Variants in SNTB1 observed in about 807,000 individuals in gnomAD.
The protein encoded by SNTB1 is beta-1-syntrophin.
In SNTB1, 36 loss-of-function variants were observed where a neutral mutation model predicts 48.9. The observed-to-expected ratio is 0.74, with a 90% CI of 0.56 to 0.97. SNTB1 has a LOEUF of 0.97. Ranked by LOEUF, SNTB1 falls within the 50% of genes least tolerant of loss-of-function variation. The probability of loss-of-function intolerance (pLI) is 0.00; values close to 1 mark genes in which losing one functional copy is unlikely to be tolerated. For missense variants in SNTB1, 786 were observed against 703.4 expected, an observed-to-expected ratio of 1.12 and a Z score of -1.33; for synonymous variants, 299 against 294.6, an observed-to-expected ratio of 1.01 and a Z score of -0.15.
At chr8:120,660,818 A>T (rs909866099) in intron 2 of SNTB1, among the ~76,000 whole-genome samples, 11 of 152,200 alleles carry the variant, frequency 7.2e-5, no homozygotes, top group Non-Finnish European at 1.2e-4. Context: ...AACACTTAGA[A>T]ACCTTCAAAG....
chr8:120,715,729 G>A (rs931416046), intron 1 of SNTB1, among the ~76,000 whole-genome samples: 3 of 152,104 alleles, frequency 2.0e-5, no homozygotes, highest in Non-Finnish European at 4.4e-5. Context: ...TAGAAGAGGT[G>A]GTATTCTTCT....
intron 3 of SNTB1, among the ~76,000 whole-genome samples, chr8:120,589,505 C>T (rs1816204263): frequency 6.6e-6 from 1 of 152,180 alleles, no homozygotes; most frequent in Admixed American, 6.5e-5. Flanking sequence ...TCAATCCTGG[C>T]TGCTATAACA....
At chr8:120,596,058 C>A (rs1816317429) in intron 3 of SNTB1, among the ~76,000 whole-genome samples, 1 of 152,138 alleles carries the variant, frequency 6.6e-6, no homozygotes, top group Non-Finnish European at 1.5e-5. Flanking sequence ...CGTTCAATGC[C>A]CCTGCCCATG....
intron 2 of SNTB1, among the ~76,000 whole-genome samples, chr8:120,692,356 A>G (rs1818142842): frequency 6.6e-6 from 1 of 152,176 alleles, no homozygotes; most frequent in Non-Finnish European, 1.5e-5. Flanking sequence ...GGTGGGTTGC[A>G]GCTGTCCCAC....
chr8:120,792,270 T>C (rs1820048210), intron 1 of SNTB1, among the ~76,000 whole-genome samples: 1 of 150,872 alleles, frequency 6.6e-6, no homozygotes. Context: ...AAATACTGTA[T>C]GTTCTCATAA....
rs1164017871 is a variant in SNTB1 at position 120,718,110 on chromosome 8, C to T, written c.572-24202G>A. Among the ~76,000 whole-genome samples, 4 of 152,214 alleles carry T rather than the reference C, an allele frequency of 2.6e-5. No homozygotes were observed. The East Asian group carries it at 7.7e-4, about 29-fold the overall frequency. ...AGGCCCAATTGGAGCCTACCTTCCCCTTCTGCACCCTGGAATTGTCTAATT... is the reference window on the plus strand; with the variant it reads ...AGGCCCAATTGGAGCCTACCTTCCCTTTCTGCACCCTGGAATTGTCTAATT... On this transcript the variant is annotated intron_variant, in intron 1 of 6. Coordinates refer to ENST00000517992, the MANE Select transcript of SNTB1 (RefSeq NM_021021.4).
rs201389549 is a variant in SNTB1, at chr8:120,541,854, T to G, written c.1480A>C (p.Ile494Leu). 2.5e-6 allele frequency: 4 copies of G among 1,614,000 alleles called. No individual in the cohort carries two copies. The highest frequency in any genetic ancestry group is 3.4e-6 in the Non-Finnish European group (4 of 1,179,914). ...CCAAAATCTAAATACAGCATCCTGA[T>G]TCCATCATCTGAAGACATTTTGAGC... ...EKLKMSSDDGIRMLYLDFGGK... is the reference protein window; with the variant it reads ...EKLKMSSDDGLRMLYLDFGGK... Residue 494 changes from isoleucine (I) to leucine (L), a missense_variant, in exon 6 of 7, where the codon ATC (isoleucine) becomes CTC (leucine). By Grantham distance (5) the Ile-to-Leu change is conservative. Transcript: ENST00000517992.
At chr8:120,603,879 G>T (rs946360662) in intron 3 of SNTB1, among the ~76,000 whole-genome samples, 2 of 152,194 alleles carry the variant, frequency 1.3e-5, no homozygotes, top group Non-Finnish European at 2.9e-5. Context: ...GTTGAATGAA[G>T]TTTCCATCTC....
chr8:120,788,928 T>C (rs28855694), intron 1 of SNTB1, among the ~76,000 whole-genome samples: 29,741 of 151,822 alleles, frequency 0.2, 3,213 homozygotes, highest in Middle Eastern at 0.26. Flanking sequence ...ACCCAAGAAC[T>C]TCAGAATACA....
At chr8:120,809,949 G>A (rs977307842) in intron 1 of SNTB1, among the ~76,000 whole-genome samples, 1 of 152,182 alleles carries the variant, frequency 6.6e-6, no homozygotes, top group Non-Finnish European at 1.5e-5. Flanking sequence ...CACTAGTGAT[G>A]CTGGCACCCT....
intron 1 of SNTB1, among the ~76,000 whole-genome samples, chr8:120,757,738 C>T (rs914335218): frequency 7.9e-5 from 12 of 152,080 alleles, no homozygotes; most frequent in African/African-American, 2.9e-4. Context: ...CCTTCCTGGC[C>T]ACTGTGACCA....
At chr8:120,584,779 G>A (rs899858988) in intron 3 of SNTB1, among the ~76,000 whole-genome samples, 1 of 152,154 alleles carries the variant, frequency 6.6e-6, no homozygotes, top group Non-Finnish European at 1.5e-5. Context: ...TATTGGAATA[G>A]GTTGGACCCC....
chr8:120,546,835 T>C (rs1815389444), intron 5 of SNTB1, among the ~76,000 whole-genome samples: 1 of 152,208 alleles, frequency 6.6e-6, no homozygotes, highest in African/African-American at 2.4e-5. Flanking sequence ...TACCTATATA[T>C]GTAAGTTTGG....
intron 2 of SNTB1, among the ~76,000 whole-genome samples, chr8:120,634,148 A>G (rs1375772800): frequency 6.6e-6 from 1 of 152,172 alleles, no homozygotes; most frequent in East Asian, 1.9e-4. Flanking sequence ...AATTGCATAA[A>G]GAAAAAAAAC....
chr8:120,685,000 G>T (rs1818003460), intron 2 of SNTB1, among the ~76,000 whole-genome samples: 1 of 152,208 alleles, frequency 6.6e-6, no homozygotes, highest in African/African-American at 2.4e-5. Context: ...TTGACTCAAA[G>T]TCCCACCTTC....
chr8:120,706,172 G>A (rs1818373412), intron 1 of SNTB1, among the ~76,000 whole-genome samples: 1 of 152,148 alleles, frequency 6.6e-6, no homozygotes, highest in African/African-American at 2.4e-5. Flanking sequence ...TTGTTGCTAT[G>A]AAATTTCAGT....
chr8:120,579,477 G>C (rs956092412), intron 3 of SNTB1, among the ~76,000 whole-genome samples: 1 of 152,114 alleles, frequency 6.6e-6, no homozygotes, highest in African/African-American at 2.4e-5. Flanking sequence ...GGGAATTCAA[G>C]ACCAGCCTGG....
At chr8:120,621,846 A>C (rs1816797911) in intron 3 of SNTB1, among the ~76,000 whole-genome samples, 1 of 152,030 alleles carries the variant, frequency 6.6e-6, no homozygotes, top group Non-Finnish European at 1.5e-5. Context: ...TTTGACTCAG[A>C]CCAAGTGCCT....
At chr8:120,627,402 C>T (rs987270139) in intron 3 of SNTB1, among the ~76,000 whole-genome samples, 5 of 152,136 alleles carry the variant, frequency 3.3e-5, no homozygotes, top group East Asian at 3.9e-4. Flanking sequence ...TCTGTAGGAC[C>T]TGTTCTTTGA....
Sources: allele counts gnomAD v4.1 joint callset (sites outside exome capture counted in the v4.1 genomes callset), GRCh38; gene constraint gnomAD v4.1.1; transcripts MANE v1.5; gene names NCBI Gene and HGNC (gene_info 2026-07-23, HGNC 2026-07-21).